Variants in RBFOX2 observed in about 807,000 individuals in gnomAD.
The protein encoded by RBFOX2 is RNA binding fox-1 homolog 2.
Under a neutral mutation model 49.1 loss-of-function variants are expected in RBFOX2, and 10 were observed. The observed-to-expected ratio is 0.20, with a 90% CI of 0.13 to 0.35. The LOEUF (loss-of-function observed/expected upper bound fraction) is 0.35, where lower values mean the gene tolerates loss of function less well. RBFOX2 is among the 10% of genes least tolerant of loss of function. The probability of loss-of-function intolerance (pLI) is 1.00; values close to 1 mark genes in which losing one functional copy is unlikely to be tolerated. For synonymous variants in RBFOX2, 183 were observed against 187.4 expected (o/e 0.98, Z 0.19); for missense variants, 323 against 486.9 (o/e 0.66, Z 3.17).
At chr22:35,939,143 T>G (rs1336426552), upstream of RBFOX2, 2 of 663,134 alleles carry the variant, frequency 3.0e-6, no homozygotes, top group Non-Finnish European at 5.6e-6. Context: ...CAGCTAAATC[T>G]GTTTCCTTTC....
At chr22:35,812,405 T>C (rs180706125) in intron 1 of RBFOX2, among the ~76,000 whole-genome samples, 4 of 152,290 alleles carry the variant, frequency 2.6e-5, no homozygotes, top group Admixed American at 2.0e-4. Context: ...GTTAGGATAG[T>C]TTTTATGATG....
chr22:35,985,902 GGATAGATAGATAGATAGATA>G lies in RBFOX2; in HGVS notation c.186+42318_186+42337del, dbSNP rs3075246. On this transcript the variant is annotated intron_variant, in intron 1 of 13. Coordinates refer to the RBFOX2 transcript ENST00000438146. ...TCTCTAGATAGATAGATAGATAGAT[GGATAGATAGATAGATAGATA>G]GATAGATAGATAGATAGATAGATAG... 6.2e-3 allele frequency among the ~76,000 whole-genome samples: 895 copies of G among 144,064 alleles called. 3 individuals are homozygous for G. The highest frequency in any genetic ancestry group is 0.016 in the African/African-American group (609 of 37,314). The allele number at this position is 144,064 out of a possible 152,430, so 94.5% of individuals were successfully genotyped here.
At chr22:35,809,974 C>A (rs140420879) in exon 2 of RBFOX2, 16 of 1,613,836 alleles carry the variant, frequency 9.9e-6, no homozygotes, top group African/African-American at 1.3e-5. Flanking sequence ...TGAACCATTG[C>A]GTCAGGAGTT....
chr22:35,877,563 A>G (rs1485561289), intron 1 of RBFOX2, among the ~76,000 whole-genome samples: 1 of 152,210 alleles, frequency 6.6e-6, no homozygotes, highest in South Asian at 2.1e-4. Context: ...AACATTTACT[A>G]TGCACCAAGA....
intron 1 of RBFOX2, among the ~76,000 whole-genome samples, chr22:35,853,664 T>TAC (rs2042203873): frequency 1.9e-5 from 2 of 104,512 alleles, no homozygotes; most frequent in South Asian, 2.4e-4. Context: ...CACACGTGTG[T>TAC]GTGTGTGTGT....
chr22:35,912,954 T>C (rs2049992786), intron 1 of RBFOX2, among the ~76,000 whole-genome samples: 1 of 152,200 alleles, frequency 6.6e-6, no homozygotes, highest in South Asian at 2.1e-4. Context: ...AGATGAAAAT[T>C]AGAAATAATG....
At chr22:35,999,982 G>GTT (rs1187981714) in intron 1 of RBFOX2, 3 of 111,786 alleles carry the variant, frequency 2.7e-5, no homozygotes, top group Admixed American at 2.1e-4. Flanking sequence ...AAATATAAAA[G>GTT]TTATATATAT....
At chr22:35,895,797 A>G (rs2047771871) in intron 1 of RBFOX2, among the ~76,000 whole-genome samples, 1 of 152,184 alleles carries the variant, frequency 6.6e-6, no homozygotes, top group South Asian at 2.1e-4. Flanking sequence ...CTACCAAAAA[A>G]TAGGTTTAAT....
At position 36,028,467 on chromosome 22, in the gene RBFOX2, G is replaced by T. The variant is rs981134049; in HGVS notation, c.-42C>A. 6.1e-6 allele frequency: 7 copies of T among 1,156,358 alleles called. No homozygotes were observed. In the African/African-American group the frequency reaches 8.2e-5, roughly 13 times the overall value. 71.6% of individuals were successfully genotyped at this position (1,156,358 alleles called of 1,614,324 possible). A position where few individuals can be genotyped will look rare whatever the true frequency, so the allele number is the denominator to read the frequency against. ...CGCCTCCGGGAGCCGGGCGACCCGCGACAGGCCACCTCCCCCTGGGCCTCG... is the reference window on the plus strand; with the variant it reads ...CGCCTCCGGGAGCCGGGCGACCCGCTACAGGCCACCTCCCCCTGGGCCTCG... On this transcript the variant is annotated 5_prime_UTR_variant, in exon 1 of 14. Coordinates refer to the RBFOX2 transcript ENST00000438146.
upstream of RBFOX2, among the ~76,000 whole-genome samples, chr22:35,844,536 C>T (rs2040920007): frequency 6.6e-6 from 1 of 151,984 alleles, no homozygotes; most frequent in Non-Finnish European, 1.5e-5. Flanking sequence ...GCTCTGTTGC[C>T]CAGGCTGGAG....
Position 35,826,299 on chromosome 22 carries a change from G to A in RBFOX2, c.27+13893C>T, listed in dbSNP as rs549107734. Among the ~76,000 whole-genome samples, 17 of 135,384 alleles carry A rather than the reference G, an allele frequency of 1.3e-4. No homozygotes were observed. In the South Asian group the frequency reaches 2.3e-3, roughly 18 times the overall value. The allele number at this position is 135,384 out of a possible 152,430, so 88.8% of individuals were successfully genotyped here. ...GGAGGTTGCAGTGAGCCGAGATCGCGCCATCGCAGTCCAGCCTGGGCAACA... is the reference window on the plus strand; with the variant it reads ...GGAGGTTGCAGTGAGCCGAGATCGCACCATCGCAGTCCAGCCTGGGCAACA... On this transcript the variant is annotated intron_variant, in intron 1 of 11. Coordinates refer to ENST00000405409, the Ensembl canonical transcript of RBFOX2.
intron 1 of RBFOX2, among the ~76,000 whole-genome samples, chr22:35,904,529 C>T (rs962667722): frequency 6.6e-6 from 1 of 152,148 alleles, no homozygotes; most frequent in East Asian, 1.9e-4. Flanking sequence ...CAAAAGGACT[C>T]ACAGCTTTGC....
chr22:35,827,904 C>T (rs553959653), intron 1 of RBFOX2, among the ~76,000 whole-genome samples: 5 of 152,316 alleles, frequency 3.3e-5, no homozygotes, highest in African/African-American at 4.8e-5. Flanking sequence ...CAGTGGCTCA[C>T]GCCTGTAATC....
At chr22:35,967,876 C>T (rs1398817252) in intron 1 of RBFOX2, among the ~76,000 whole-genome samples, 1 of 152,126 alleles carries the variant, frequency 6.6e-6, no homozygotes, top group Non-Finnish European at 1.5e-5. Flanking sequence ...CAGCATCTTC[C>T]AGTCCAACTA....
intron 1 of RBFOX2, among the ~76,000 whole-genome samples, chr22:35,984,986 A>G (rs1603462091): frequency 6.6e-6 from 1 of 152,184 alleles, no homozygotes; most frequent in South Asian, 2.1e-4. Context: ...AGTACTTGGG[A>G]AGACAGCCAG....
chr22:35,833,065 T>A (rs766966299), intron 1 of RBFOX2, among the ~76,000 whole-genome samples: 6 of 152,204 alleles, frequency 3.9e-5, no homozygotes, highest in Non-Finnish European at 8.8e-5. Context: ...TAAATATGTA[T>A]AATTATGCAT....
chr22:35,820,265 T>C (rs1954172305), intron 1 of RBFOX2, among the ~76,000 whole-genome samples: 3 of 152,204 alleles, frequency 2.0e-5, no homozygotes, highest in Non-Finnish European at 4.4e-5. Context: ...GGGAGCCCTG[T>C]TGGGAGGCGA....
intron 1 of RBFOX2, among the ~76,000 whole-genome samples, chr22:35,825,976 C>T (rs1464530984): frequency 1.7e-4 from 20 of 120,724 alleles, no homozygotes; most frequent in Admixed American, 7.2e-4. Flanking sequence ...AGTGAGACTC[C>T]GCTTCAAAAA....
At chr22:35,874,449 C>A (rs1378357008) in intron 1 of RBFOX2, among the ~76,000 whole-genome samples, 1 of 151,254 alleles carries the variant, frequency 6.6e-6, no homozygotes, top group Non-Finnish European at 1.5e-5. Flanking sequence ...CAGAAAACAA[C>A]CTAAGACATA....
Sources: gnomAD v4.1 joint callset for allele counts (sites outside exome capture counted in the v4.1 genomes callset) on GRCh38, gnomAD v4.1.1 for gene constraint, MANE v1.5 for transcripts, NCBI Gene and HGNC (gene_info 2026-07-23, HGNC 2026-07-21) for gene names.